RFXANK: variants seen among roughly 807,000 people sequenced by gnomAD.
RFXANK encodes DNA-binding protein RFXANK.
RFXANK carries 19 observed loss-of-function variants against 34.5 expected under a neutral mutation model. That is an observed-to-expected ratio of 0.55 (90% CI 0.38 to 0.81). The LOEUF (loss-of-function observed/expected upper bound fraction) is 0.81. RFXANK is among the 30% of genes least tolerant of loss of function. RFXANK has a pLI of 0.00. For missense variants in RFXANK, 295 were observed against 343.5 expected, an observed-to-expected ratio of 0.86 and a Z score of 1.12; for synonymous variants, 154 against 149.8, an observed-to-expected ratio of 1.03 and a Z score of -0.20.
chr19:19,198,020 A>C (rs895209685), intron 6 of RFXANK, 87 bp from the exon 7 acceptor site: 2 of 1,559,532 alleles, frequency 1.3e-6, no homozygotes, highest in Non-Finnish European at 1.7e-6. Context: ...TCCAAAAAAA[A>C]AAAAAAAGAT....
At chr19:19,200,335 G>C (rs572850424) in intron 9 of RFXANK, among the ~76,000 whole-genome samples, 3 of 150,312 alleles carry the variant, frequency 2.0e-5, no homozygotes, top group Non-Finnish European at 4.4e-5. Flanking sequence ...ACACCATGAC[G>C]CCCGGCTAAT....
chr19:19,197,190 G>T lies in RFXANK; in HGVS notation c.276G>T (p.Leu92=), dbSNP rs1238446063. 1.2e-6 allele frequency: 2 copies of T among 1,613,938 alleles called. No individual in the cohort carries two copies. Among genetic ancestry groups the T allele is most frequent in the African/African-American group, 2.7e-5 (2 of 75,044 alleles). The stretch of plus-strand genomic sequence containing the variant: ...TCTGCCTCTGTCCTGCCCCAGCCCT[G>T]TCCATCCACCAGCTCGCAGCACAGG... The part of the protein sequence containing the change: ...VSALPATLDS[L]SIHQLAAQGE... Residue 92 remains leucine, a synonymous_variant, in exon 5 of 10, where the codon CTG becomes CTT. Transcript: ENST00000303088.
chr19:19,194,197 A>C, intron 3 of RFXANK, 64 bp downstream of exon 3: 1 of 1,512,464 alleles, frequency 6.6e-7, no homozygotes, highest in Non-Finnish European at 9.2e-7. Flanking sequence ...CAGGCCTCAC[A>C]TGGAACCTGT....
At chr19:19,199,935 CAG>C (rs1324823401) in intron 9 of RFXANK, among the ~76,000 whole-genome samples, 1 of 152,170 alleles carries the variant, frequency 6.6e-6, no homozygotes, top group African/African-American at 2.4e-5. Flanking sequence ...CTCCTTCCTT[CAG>C]AGTTTTACTG....
rs953884677 is a variant in RFXANK, at chr19:19,194,089, A to C, written c.143A>C (p.Glu48Ala). ...CTCAGTCTCTTTCCCTGCACCCCTG[A>C]GCCTGTGAATCCTGAACCGGATGCC... ...VVLSLFPCTPEPVNPEPDASV... is the reference protein window; with the variant it reads ...VVLSLFPCTPAPVNPEPDASV... Residue 48 changes from glutamate (E) to alanine (A), a missense_variant, in exon 3 of 10, where the codon GAG (glutamate) becomes GCG (alanine). Physicochemically the swap from Glu to Ala is moderately radical, Grantham distance 107. Transcript: ENST00000303088. 1 of 1,614,030 alleles carries C rather than the reference A, an allele frequency of 6.2e-7. No homozygotes were observed. Among genetic ancestry groups the C allele is most frequent in the African/African-American group, 1.3e-5 (1 of 74,894 alleles).
chr19:19,197,329 C>T (rs1217804311), intron 5 of RFXANK, 78 bp downstream of exon 5: 66 of 1,455,922 alleles, frequency 4.5e-5, no homozygotes, highest in East Asian at 6.9e-5. Flanking sequence ...CCACTCATGA[C>T]GTGACCTGTG....
At position 19,198,855 on chromosome 19, in the gene RFXANK, C is replaced by T. The variant is rs1003138075; in HGVS notation, c.631+132C>T. On this transcript the variant is annotated intron_variant, in intron 8 of 9. Transcript: ENST00000303088. Reference sequence around the variant, plus strand: ...GCAGGTAGTCCCTGCCTGCTCTTCTCGGAGGATGGATCAGAGGGGAGGAGG... The same window carrying T: ...GCAGGTAGTCCCTGCCTGCTCTTCTTGGAGGATGGATCAGAGGGGAGGAGG... 8.4e-6 allele frequency: 8 copies of T among 949,638 alleles called. No homozygotes were observed. In the East Asian group the frequency reaches 1.0e-4, roughly 12 times the overall value. The allele number at this position is 949,638 out of a possible 1,614,324, so 58.8% of individuals were successfully genotyped here. A position where few individuals can be genotyped will look rare whatever the true frequency, so the allele number is the denominator to read the frequency against.
At chr19:19,199,757 T>C (rs1568583458) in intron 9 of RFXANK, among the ~76,000 whole-genome samples, 1 of 152,140 alleles carries the variant, frequency 6.6e-6, no homozygotes, top group Non-Finnish European at 1.5e-5. Flanking sequence ...GCCATCCCTC[T>C]CCGTGGCGGG....
At position 19,197,260 on chromosome 19, in the gene RFXANK, C is replaced by CCACA. The variant is rs1193574085; in HGVS notation, c.337+14_337+17dup. 1 of 1,612,200 alleles carries CCACA rather than the reference C, an allele frequency of 6.2e-7. No homozygotes were observed. Among genetic ancestry groups the CCACA allele is most frequent in the Admixed American group, 1.7e-5 (1 of 59,990 alleles). ...GGAGCATTTGCGGAAAGGTGCGTGT[C>CCACA]CACACACATGTGCTGGCATGTCTGC... On this transcript the variant is annotated intron_variant, in intron 5 of 9. Transcript: ENST00000303088.
At chr19:19,200,041 C>CT in intron 9 of RFXANK, among the ~76,000 whole-genome samples, 1 of 152,088 alleles carries the variant, frequency 6.6e-6, no homozygotes, top group Non-Finnish European at 1.5e-5. Flanking sequence ...ATCACCCAGG[C>CT]TGGAATGAAG....
chr19:19,195,454 A>G (rs1180606631), intron 3 of RFXANK, among the ~76,000 whole-genome samples: 2 of 150,862 alleles, frequency 1.3e-5, no homozygotes, highest in Non-Finnish European at 3.0e-5. Flanking sequence ...GCTGGCATGC[A>G]CCACCACATC....
intron 7 of RFXANK, 110 bp downstream of exon 7, chr19:19,198,342 C>A: frequency 1.3e-6 from 2 of 1,485,852 alleles, no homozygotes; most frequent in Non-Finnish European, 1.8e-6. Flanking sequence ...GCCGAGAACA[C>A]GAGACAGCCC....
chr19:19,199,275 A>G (rs1427098001), intron 9 of RFXANK, 41 bp downstream of exon 9: 1 of 1,586,588 alleles, frequency 6.3e-7, no homozygotes, highest in South Asian at 1.1e-5. Context: ...GGTCCCTTCC[A>G]TAGGCAGGGT....
rs540769380 is a variant in RFXANK at position 19,197,687 on chromosome 19, G to T, written c.438+66G>T. ...GGCCTTAGGGTGGGCTGGGGTTTTG[G>T]CTGTGTCTGCTGGCGCCTTGTCTTT... is the stretch of plus-strand genomic sequence containing the variant. On this transcript the variant is annotated intron_variant, in intron 6 of 9. Transcript: ENST00000303088. 771 of 1,403,584 alleles carry T rather than the reference G, an allele frequency of 5.5e-4. 2 individuals are homozygous for T. Among genetic ancestry groups the T allele is most frequent in the Non-Finnish European group, 7.0e-4 (700 of 1,000,942 alleles). The allele number at this position is 1,403,584 out of a possible 1,614,324, so 86.9% of individuals were successfully genotyped here.
chr19:19,192,706 T>A (rs1234894936), intron 1 of RFXANK, 152 bp downstream of exon 1: 1 of 153,086 alleles, frequency 6.5e-6, no homozygotes, highest in South Asian at 1.8e-4. Flanking sequence ...GCAGGCGTAG[T>A]GAAATTCTCA....
intron 6 of RFXANK, 50 bp from the exon 7 acceptor site, chr19:19,198,057 C>G: frequency 6.2e-7 from 1 of 1,609,774 alleles, no homozygotes; most frequent in Non-Finnish European, 8.5e-7. Context: ...CCCCAGGATT[C>G]CTGGTTATGC....
intron 3 of RFXANK, among the ~76,000 whole-genome samples, chr19:19,195,654 G>A (rs188700718): frequency 3.0e-3 from 413 of 136,818 alleles, no homozygotes; most frequent in Non-Finnish European, 3.9e-3. Context: ...GTCACCTTGG[G>A]GAGGCCCTCC....
At position 19,193,966 on chromosome 19, in the gene RFXANK, C is replaced by T. The variant is rs1183893593; in HGVS notation, c.20C>T (p.Ala7Val). The T allele has an allele frequency of 1.9e-6, 3 of 1,614,246 alleles. No homozygotes were observed. Among genetic ancestry groups the T allele is most frequent in the Middle Eastern group, 1.6e-4 (1 of 6,062 alleles). Residue 7 changes from alanine to valine, a missense_variant, in exon 3 of 10, where the codon GCA (alanine) becomes GTA (valine). Ala to Val is a moderately conservative substitution (Grantham distance 64). Transcript: ENST00000303088. MELTQP[A>V]EDLIQTQQTP... is the part of the protein sequence containing the mutation. ...TTCCCCATGGAGCTTACCCAGCCTG[C>T]AGAAGACCTCATCCAGACCCAGCAG...
In RFXANK at chr19:19,198,127, G is replaced by A; in HGVS notation, c.459G>A (p.Leu153=). Residue 153 remains leucine, a synonymous_variant, in exon 7 of 10, where the codon CTG becomes CTA. Transcript: ENST00000303088. The stretch of plus-strand genomic sequence containing the variant: ...TGCAGGGTGCCGACCCCCACATCCT[G>A]GCAAAAGAGCGAGAGAGCGCCCTGT... ...LLEWGADPHI[L]AKERESALSL... The A allele has an allele frequency of 6.2e-7, 1 of 1,613,976 alleles. No homozygotes were observed. Among genetic ancestry groups the A allele is most frequent in the Non-Finnish European group, 8.5e-7 (1 of 1,179,994 alleles).
Sources: gnomAD v4.1 joint callset for allele counts (sites outside exome capture counted in the v4.1 genomes callset) on GRCh38, gnomAD v4.1.1 for gene constraint, MANE v1.5 for transcripts, NCBI Gene and HGNC (gene_info 2026-07-23, HGNC 2026-07-21) for gene names.